SLC28A3: variants seen among roughly 807,000 people sequenced by gnomAD.
SLC28A3 encodes the protein solute carrier family 28 member 3, also known as concentrative Na(+)-nucleoside cotransporter 3.
SLC28A3 carries 68 observed loss-of-function variants against 84.2 expected under a neutral mutation model. The ratio of observed to expected loss-of-function variants is 0.81; its 90% CI spans 0.66 to 0.99. The LOEUF (loss-of-function observed/expected upper bound fraction) is 0.99. Among genes scored for constraint, SLC28A3 ranks in the 50% least tolerant of loss-of-function variants. SLC28A3 has a pLI of 0.00. For synonymous variants in SLC28A3, 267 were observed against 303.6 expected, an observed-to-expected ratio of 0.88 and a Z score of 1.25; for missense variants, 712 against 841.5, an observed-to-expected ratio of 0.85 and a Z score of 1.90.
intron 14 of SLC28A3, among the ~76,000 whole-genome samples, chr9:84,284,986 TG>T (rs575730436): frequency 1.3e-5 from 2 of 152,180 alleles, no homozygotes; most frequent in Non-Finnish European, 2.9e-5. Context: ...CCCCATGACT[TG>T]CTATGGCCTC....
At chr9:84,360,097 C>A in the SLC28A3 span, among the ~76,000 whole-genome samples, 5 of 151,938 alleles carry the variant, frequency 3.3e-5, no homozygotes, top group Admixed American at 6.6e-5. Flanking sequence ...AACCTTGAAC[C>A]TGTAAGGCTT....
intron 1 of SLC28A3, among the ~76,000 whole-genome samples, chr9:84,314,157 G>GT (rs142430344): frequency 0.039 from 5,980 of 151,878 alleles, 393 homozygotes; most frequent in African/African-American, 0.14. Context: ...GTTGAAATGG[G>GT]TTTTTTTTGG....
intron 3 of SLC28A3, among the ~76,000 whole-genome samples, chr9:84,307,443 A>G (rs983811528): frequency 6.9e-6 from 1 of 143,998 alleles, no homozygotes; most frequent in Admixed American, 7.1e-5. Context: ...AAAAAAAAAA[A>G]AACAAAAACA....
chr9:84,341,518 A>C (rs1321037670), upstream of SLC28A3, among the ~76,000 whole-genome samples: 1 of 152,190 alleles, frequency 6.6e-6, no homozygotes, highest in Non-Finnish European at 1.5e-5. Context: ...AAGTACAGAA[A>C]AGTTAACAAT....
At chr9:84,354,595 C>G in the SLC28A3 span, among the ~76,000 whole-genome samples, 3 of 152,234 alleles carry the variant, frequency 2.0e-5, no homozygotes, top group Non-Finnish European at 4.4e-5. Context: ...CGCCAGTAAT[C>G]CCGGCACTTT....
intron 1 of SLC28A3, among the ~76,000 whole-genome samples, chr9:84,324,252 T>G (rs1826476570): frequency 6.6e-6 from 1 of 152,200 alleles, no homozygotes; most frequent in African/African-American, 2.4e-5. Flanking sequence ...CTGCACAAAT[T>G]AGGCCAGTAC....
chr9:84,325,456 G>A (rs1237294437), intron 1 of SLC28A3, among the ~76,000 whole-genome samples: 2 of 152,204 alleles, frequency 1.3e-5, no homozygotes, highest in Non-Finnish European at 2.9e-5. Context: ...AAGATGGAGT[G>A]ACTCCCTGAC....
chr9:84,307,748 G>T (rs1024048703), intron 3 of SLC28A3, among the ~76,000 whole-genome samples: 3 of 152,216 alleles, frequency 2.0e-5, no homozygotes, highest in African/African-American at 7.2e-5. Context: ...CATACTGTAG[G>T]TTGACTCTAT....
Position 84,309,627 on chromosome 9 carries a change from A to G in SLC28A3, c.242+2T>C, listed in dbSNP as rs113754177. On this transcript the variant is annotated splice_donor_variant, in intron 3 of 17. Coordinates refer to ENST00000376238, the MANE Select transcript of SLC28A3 (RefSeq NM_001199633.2). LOFTEE classifies it high-confidence loss of function. ...GTTATTTCCCTGTTTTAAAGACTGT[A>G]CCCTTTTTGTTGCATCTCCTCATCA... 4 of 1,611,626 alleles carry G rather than the reference A, an allele frequency of 2.5e-6. No individual in the cohort carries two copies. Among genetic ancestry groups the G allele is most frequent in the African/African-American group, 2.7e-5 (2 of 74,656 alleles).
intron 8 of SLC28A3, 117 bp from the exon 9 acceptor site, chr9:84,294,392 A>C: frequency 1.1e-6 from 1 of 912,830 alleles, no homozygotes; most frequent in Non-Finnish European, 1.7e-6. Flanking sequence ...AAATATGGGA[A>C]ACTCCTCTTG....
chr9:84,301,126 G>T (rs1326706377), intron 5 of SLC28A3, among the ~76,000 whole-genome samples: 1 of 151,956 alleles, frequency 6.6e-6, no homozygotes, highest in Non-Finnish European at 1.5e-5. Flanking sequence ...GAGGCAGGAG[G>T]ATCACTGGAG....
chr9:84,291,683 C>G (rs1475212142), intron 10 of SLC28A3, among the ~76,000 whole-genome samples: 1 of 152,170 alleles, frequency 6.6e-6, no homozygotes, highest in Non-Finnish European at 1.5e-5. Context: ...GTTGGCTTAC[C>G]AACAAGAAGT....
chr9:84,347,589 T>C, the SLC28A3 span, among the ~76,000 whole-genome samples: 2 of 152,144 alleles, frequency 1.3e-5, no homozygotes, highest in Non-Finnish European at 2.9e-5. Context: ...AATAAAATGG[T>C]GAAAGGCTAA....
Position 84,303,688 on chromosome 9 carries a change from C to G in SLC28A3, c.335-1299G>C, listed in dbSNP as rs529201399. 2.6e-5 allele frequency among the ~76,000 whole-genome samples: 4 copies of G among 152,278 alleles called. No individual in the cohort carries two copies. The East Asian group carries it at 7.7e-4, about 29-fold the overall frequency. ...TTTCCTCTTGATATGAGACCGCTGA[C>G]TCTGGAGTGGTTCTGGCCAGTCTTG... On this transcript the variant is annotated intron_variant, in intron 4 of 17. Transcript: ENST00000376238.
upstream of SLC28A3, among the ~76,000 whole-genome samples, chr9:84,344,157 C>T (rs1364069855): frequency 2.0e-5 from 3 of 149,566 alleles, no homozygotes; most frequent in Non-Finnish European, 4.4e-5. Flanking sequence ...GAGTCATGCC[C>T]TACAAATCAT....
chr9:84,308,100 T>A (rs1041667744), intron 3 of SLC28A3, among the ~76,000 whole-genome samples: 8 of 152,150 alleles, frequency 5.3e-5, no homozygotes, highest in Non-Finnish European at 8.8e-5. Flanking sequence ...TTCTGATACA[T>A]ATAACAAAGT....
At chr9:84,333,305 T>C (rs553979236) in intron 1 of SLC28A3, among the ~76,000 whole-genome samples, 10 of 152,314 alleles carry the variant, frequency 6.6e-5, no homozygotes, top group Non-Finnish European at 1.0e-4. Flanking sequence ...AGGAATTTCC[T>C]TGTGGGCAAA....
chr9:84,320,923 G>A (rs975563290), intron 1 of SLC28A3, among the ~76,000 whole-genome samples: 4 of 149,064 alleles, frequency 2.7e-5, no homozygotes, highest in African/African-American at 1.0e-4. Flanking sequence ...CTGAGATCGT[G>A]CCACTGAACT....
At chr9:84,345,777 A>G in the SLC28A3 span, among the ~76,000 whole-genome samples, 1 of 152,194 alleles carries the variant, frequency 6.6e-6, no homozygotes, top group Non-Finnish European at 1.5e-5. Flanking sequence ...AGAACTTGTA[A>G]TTTAAAATTG....
Sources: gnomAD v4.1 joint callset for allele counts (sites outside exome capture counted in the v4.1 genomes callset) on GRCh38, gnomAD v4.1.1 for gene constraint, MANE v1.5 for transcripts, NCBI Gene and HGNC (gene_info 2026-07-23, HGNC 2026-07-21) for gene names.